The following BLTP1 variants were observed in gnomAD, a reference collection of about 807,000 sequenced individuals.
The protein encoded by BLTP1 is fragile site-associated protein.
the BLTP1 span, among the ~76,000 whole-genome samples, chr4:122,253,717 G>T: frequency 6.6e-6 from 1 of 152,090 alleles, no homozygotes; most frequent in Non-Finnish European, 1.5e-5. Context: ...AGAGAAAGAC[G>T]GGTGGAAAGT....
At chr4:122,198,366 G>T in the BLTP1 span, 1 of 985,318 alleles carries the variant, frequency 1.0e-6, no homozygotes, top group Non-Finnish European at 1.2e-6. Flanking sequence ...AAAGCCAAAA[G>T]CATCTTTTAG....
the BLTP1 span, chr4:122,325,234 C>G: frequency 3.1e-6 from 5 of 1,599,666 alleles, no homozygotes; most frequent in Non-Finnish European, 4.3e-6. Flanking sequence ...TTGCAGTTCT[C>G]GAGTAGGAGA....
the BLTP1 span, chr4:122,182,930 G>A: frequency 5.5e-5 from 54 of 982,382 alleles, no homozygotes; most frequent in East Asian, 3.9e-3. Flanking sequence ...TTTCTTGAAA[G>A]ACACTTGGGT....
At chr4:122,326,163 A>G in the BLTP1 span, among the ~76,000 whole-genome samples, 1 of 151,754 alleles carries the variant, frequency 6.6e-6, no homozygotes, top group Non-Finnish European at 1.5e-5. Context: ...AATCATAAAA[A>G]AAACTACAAT....
the BLTP1 span, chr4:122,197,180 T>G: frequency 9.8e-7 from 1 of 1,020,838 alleles, no homozygotes; most frequent in South Asian, 1.8e-5. Context: ...ATGAATTAAT[T>G]TTTTTCTTTT....
the BLTP1 span, chr4:122,250,146 A>G: frequency 2.6e-5 from 10 of 382,814 alleles, no homozygotes; most frequent in Non-Finnish European, 3.2e-5. Flanking sequence ...TTTTAGGTTT[A>G]GTAATATATA....
chr4:122,210,918 A>G, the BLTP1 span: 3 of 1,613,296 alleles, frequency 1.9e-6, no homozygotes, highest in South Asian at 1.1e-5. Context: ...TGCTATCTGT[A>G]TTAAGGCCAT....
the BLTP1 span, chr4:122,209,379 T>G: frequency 6.3e-7 from 1 of 1,596,088 alleles, no homozygotes; most frequent in Non-Finnish European, 8.6e-7. Flanking sequence ...GCACAGTGGC[T>G]CACGCCTGTA....
the BLTP1 span, chr4:122,325,216 A>G: frequency 1.3e-6 from 2 of 1,588,056 alleles, no homozygotes; most frequent in Non-Finnish European, 8.6e-7. Context: ...TTATAACTTT[A>G]TATTTACTTG....
chr4:122,317,296 C>T, the BLTP1 span, among the ~76,000 whole-genome samples: 1 of 151,354 alleles, frequency 6.6e-6, no homozygotes, highest in Non-Finnish European at 1.5e-5. Flanking sequence ...TGCGCCATTG[C>T]ACTCCAGCCT....
At chr4:122,249,148 T>C in the BLTP1 span, 3 of 733,420 alleles carry the variant, frequency 4.1e-6, no homozygotes, top group Non-Finnish European at 5.0e-6. Flanking sequence ...TAATTGAATT[T>C]TTTTTTTATT....
the BLTP1 span, chr4:122,199,553 A>G: frequency 3.4e-5 from 33 of 977,384 alleles, no homozygotes; most frequent in Non-Finnish European, 4.5e-5. Flanking sequence ...CAAATGGTCC[A>G]TCTTCTAGTT....
chr4:122,250,045 GC>G, the BLTP1 span: 41 of 869,732 alleles, frequency 4.7e-5, no homozygotes, highest in Admixed American at 6.2e-5. Context: ...TCTTTATTCA[GC>G]GAAAAATATC....
At chr4:122,153,028 A>G in the BLTP1 span, 4 of 985,268 alleles carry the variant, frequency 4.1e-6, no homozygotes, top group Non-Finnish European at 4.8e-6. Flanking sequence ...TCTGGGATTG[A>G]TGTGTTTTGT....
At chr4:122,152,401 C>G in the BLTP1 span, 1 of 985,630 alleles carries the variant, frequency 1.0e-6, no homozygotes, top group Non-Finnish European at 1.2e-6. Flanking sequence ...GTGGCTGCGG[C>G]CAGGGTCTGG....
At chr4:122,350,921 T>C in the BLTP1 span, among the ~76,000 whole-genome samples, 1 of 152,188 alleles carries the variant, frequency 6.6e-6, no homozygotes, top group East Asian at 1.9e-4. Flanking sequence ...AGATTTTTAA[T>C]ATGATGGTTA....
chr4:122,338,253 G>A, the BLTP1 span, among the ~76,000 whole-genome samples: 1 of 151,822 alleles, frequency 6.6e-6, no homozygotes, highest in Admixed American at 6.6e-5. Flanking sequence ...GATCACTTGA[G>A]CCCAGGAGTT....
chr4:122,153,123 AGTTG>A, the BLTP1 span: 6 of 650,102 alleles, frequency 9.2e-6, no homozygotes, highest in Non-Finnish European at 1.1e-5. Context: ...GGTGAAGAGA[AGTTG>A]ATTTTTCTTC....
chr4:122,304,703 T>C, the BLTP1 span: 2 of 1,510,564 alleles, frequency 1.3e-6, no homozygotes, highest in African/African-American at 2.8e-5. Context: ...AAAACACGAC[T>C]ATTTTATTTA....
Sources: allele counts gnomAD v4.1 joint callset (sites outside exome capture counted in the v4.1 genomes callset), GRCh38; gene constraint gnomAD v4.1.1; transcripts MANE v1.5; gene names NCBI Gene and HGNC (gene_info 2026-07-23, HGNC 2026-07-21).